Variants in AGBL4 observed in about 807,000 individuals in gnomAD.
The protein encoded by AGBL4 is cytosolic carboxypeptidase 6.
Under a neutral mutation model 66.4 loss-of-function variants are expected in AGBL4, and 58 were observed. The ratio of observed to expected loss-of-function variants is 0.87; its 90% confidence interval spans 0.71 to 1.09. The LOEUF (loss-of-function observed/expected upper bound fraction) is 1.09, where lower values mean the gene tolerates loss of function less well. AGBL4 is among the 50% of genes least tolerant of loss of function. The pLI, the probability that AGBL4 is intolerant of heterozygous loss-of-function variation, is 0.00. For synonymous variants in AGBL4, 234 were observed against 222.9 expected (o/e 1.05, Z -0.44); for missense variants, 579 against 631.0 (o/e 0.92, Z 0.88).
At chr1:49,871,070 C>A (rs561554171) in intron 1 of AGBL4, among the ~76,000 whole-genome samples, 8 of 151,918 alleles carry the variant, frequency 5.3e-5, no homozygotes, top group Non-Finnish European at 1.0e-4. Flanking sequence ...TGTGAAATTG[C>A]GAGGGCCAAT....
chr1:49,663,516 G>A (rs528097976), intron 3 of AGBL4, among the ~76,000 whole-genome samples: 9 of 152,210 alleles, frequency 5.9e-5, no homozygotes, highest in African/African-American at 2.2e-4. Context: ...TTCACATGTG[G>A]AGGATAACCA....
intron 3 of AGBL4, among the ~76,000 whole-genome samples, chr1:49,617,437 A>T (rs2124274508): frequency 1.3e-5 from 2 of 152,210 alleles, no homozygotes; most frequent in African/African-American, 4.8e-5. Context: ...TTACCATCTT[A>T]CATGTTTTAC....
chr1:49,651,997 T>C (rs969323598), intron 3 of AGBL4, among the ~76,000 whole-genome samples: 3 of 151,816 alleles, frequency 2.0e-5, no homozygotes, highest in Admixed American at 6.6e-5. Context: ...AGACAAGATA[T>C]AATAAAAAAG....
rs748492694 is a variant in AGBL4 at position 49,471,781 on chromosome 1, C to A, written c.282+225532G>T. Among the ~76,000 whole-genome samples, 7 of 151,892 alleles carry A rather than the reference C, an allele frequency of 4.6e-5. 1 individual carries two copies. In the East Asian group the frequency reaches 9.7e-4, roughly 21 times the overall value. ...CAACACCACAGAAAAAAAACTGTGA[C>A]CCTATTATACTCACAGGAACAAAAG... On this transcript the variant is annotated intron_variant, in intron 3 of 13. Transcript: ENST00000371839.
At chr1:49,617,552 A>G (rs1645272918) in intron 3 of AGBL4, among the ~76,000 whole-genome samples, 1 of 152,224 alleles carries the variant, frequency 6.6e-6, no homozygotes, top group South Asian at 2.1e-4. Context: ...TCTTACAACA[A>G]CAAAAATTGC....
chr1:49,739,219 T>A (rs1650187617), intron 2 of AGBL4, among the ~76,000 whole-genome samples: 1 of 152,170 alleles, frequency 6.6e-6, no homozygotes, highest in Non-Finnish European at 1.5e-5. Context: ...AAGGACCTGA[T>A]GGAGCTGAAA....
In AGBL4 at chr1:49,502,030, ATTATATATCCTG is replaced by A. The variant is rs577862288; in HGVS notation, c.282+195271_282+195282del. Among the ~76,000 whole-genome samples, 53 of 152,304 alleles carry A rather than the reference ATTATATATCCTG, an allele frequency of 3.5e-4. 1 individual carries two copies. In the South Asian group the frequency reaches 9.7e-3, roughly 28 times the overall value. On this transcript the variant is annotated intron_variant, in intron 3 of 13. Coordinates refer to ENST00000371839, the MANE Select transcript of AGBL4 (RefSeq NM_032785.4). ...TAAGACTTGTTTTGTAACCTCACAT[ATTATATATCCTG>A]AAGAATATTTTGTGTCATTTTGAGA... is the stretch of plus-strand genomic sequence containing the variant.
intron 3 of AGBL4, among the ~76,000 whole-genome samples, chr1:49,488,971 C>A (rs1349264316): frequency 2.6e-5 from 4 of 151,534 alleles, no homozygotes; most frequent in African/African-American, 9.7e-5. Context: ...ATCTTGGCTG[C>A]GTGAATAGTG....
chr1:48,549,481 A>G (rs1644217699), intron 11 of AGBL4, among the ~76,000 whole-genome samples: 1 of 152,054 alleles, frequency 6.6e-6, no homozygotes, highest in Non-Finnish European at 1.5e-5. Context: ...AGGGAGAGGG[A>G]GAGGGAGAAA....
chr1:48,796,506 A>G (rs1645677570), intron 6 of AGBL4, among the ~76,000 whole-genome samples: 1 of 152,058 alleles, frequency 6.6e-6, no homozygotes, highest in South Asian at 2.1e-4. Flanking sequence ...AGTGTATTGA[A>G]TTAGTATTGT....
chr1:48,855,246 G>C (rs186066393), intron 6 of AGBL4, among the ~76,000 whole-genome samples: 10 of 152,174 alleles, frequency 6.6e-5, no homozygotes, highest in Admixed American at 2.0e-4. Flanking sequence ...CATTCAACTG[G>C]ATGTTCCAAA....
intron 4 of AGBL4, among the ~76,000 whole-genome samples, chr1:49,210,890 A>G (rs965025049): frequency 2.6e-5 from 4 of 152,192 alleles, no homozygotes; most frequent in African/African-American, 9.6e-5. Flanking sequence ...AAAGTATATT[A>G]CTTTTTCACC....
intron 3 of AGBL4, among the ~76,000 whole-genome samples, chr1:49,260,761 C>T (rs1570256778): frequency 6.6e-6 from 1 of 152,132 alleles, no homozygotes; most frequent in Non-Finnish European, 1.5e-5. Flanking sequence ...CCTTCTGAAA[C>T]TACTCCAATC....
intron 1 of AGBL4, among the ~76,000 whole-genome samples, chr1:49,959,057 C>T (rs1656899064): frequency 6.6e-6 from 1 of 151,138 alleles, no homozygotes; most frequent in Admixed American, 6.6e-5. Flanking sequence ...TTTGACTAGG[C>T]CTGACTAGTT....
chr1:48,967,286 T>A (rs1658523977), intron 5 of AGBL4, among the ~76,000 whole-genome samples: 1 of 152,134 alleles, frequency 6.6e-6, no homozygotes, highest in Admixed American at 6.6e-5. Context: ...TACTTACCAC[T>A]GTCACTATCA....
intron 7 of AGBL4, among the ~76,000 whole-genome samples, chr1:48,657,548 TGGCA>T (rs546417029): frequency 2.0e-5 from 3 of 152,270 alleles, no homozygotes; most frequent in South Asian, 4.1e-4. Flanking sequence ...CAGAGAGAGC[TGGCA>T]GAGGTAAAGC....
intron 2 of AGBL4, among the ~76,000 whole-genome samples, chr1:49,811,850 C>T (rs1645109803): frequency 1.3e-5 from 2 of 152,082 alleles, no homozygotes; most frequent in Non-Finnish European, 2.9e-5. Flanking sequence ...GTCCACAAAA[C>T]GTAAATACTT....
intron 5 of AGBL4, among the ~76,000 whole-genome samples, chr1:49,011,828 C>T (rs2149007495): frequency 7.6e-6 from 1 of 131,320 alleles, no homozygotes; most frequent in South Asian, 2.3e-4. Flanking sequence ...GGGAATTGAA[C>T]AATGAGATCA....
chr1:48,830,937 G>A (rs1570772962), intron 6 of AGBL4, among the ~76,000 whole-genome samples: 1 of 152,098 alleles, frequency 6.6e-6, no homozygotes, highest in Non-Finnish European at 1.5e-5. Flanking sequence ...GACAAACAAG[G>A]TCCCTGTCCC....
Sources: allele counts gnomAD v4.1 joint callset (sites outside exome capture counted in the v4.1 genomes callset), GRCh38; gene constraint gnomAD v4.1.1; transcripts MANE v1.5; gene names NCBI Gene and HGNC (gene_info 2026-07-23, HGNC 2026-07-21).